ARHGAP20: variants seen among roughly 807,000 people sequenced by gnomAD.
ARHGAP20 encodes rho GTPase-activating protein 20.
A neutral mutation model predicts 73.7 loss-of-function variants in ARHGAP20; 34 were observed. The ratio of observed to expected loss-of-function variants is 0.46; its 90% CI spans 0.35 to 0.61. The LOEUF is 0.61. Ranked by LOEUF, ARHGAP20 falls within the 20% of genes least tolerant of loss-of-function variation. ARHGAP20 has a pLI of 0.00. For synonymous variants in ARHGAP20, 523 were observed against 518.2 expected, an observed-to-expected ratio of 1.01 and a Z score of -0.13; for missense variants, 1,314 against 1,420.9, an observed-to-expected ratio of 0.92 and a Z score of 1.21.
chr11:110,589,697 C>CTCTA, intron 11 of ARHGAP20: 1 of 985,338 alleles, frequency 1.0e-6, no homozygotes, highest in Non-Finnish European at 1.2e-6. Flanking sequence ...TTTTAGAACT[C>CTCTA]TCTATCTCTG....
At chr11:110,707,712 T>G (rs1950574120) in intron 1 of ARHGAP20, among the ~76,000 whole-genome samples, 1 of 152,146 alleles carries the variant, frequency 6.6e-6, no homozygotes, top group South Asian at 2.1e-4. Flanking sequence ...TAGCATGGTC[T>G]TTTTAAGCCA....
chr11:110,700,308 T>C (rs892647797), intron 1 of ARHGAP20, among the ~76,000 whole-genome samples: 1 of 152,034 alleles, frequency 6.6e-6, no homozygotes, highest in African/African-American at 2.4e-5. Context: ...AAGCATAGTA[T>C]TAAAATAAGG....
intron 10 of ARHGAP20, 68 bp downstream of exon 10, chr11:110,591,909 T>G: frequency 1.3e-6 from 2 of 1,516,684 alleles, no homozygotes; most frequent in Non-Finnish European, 9.0e-7. Flanking sequence ...GGGGACAGAT[T>G]TACCTCGCAG....
chr11:110,654,030 C>T (rs574185877), intron 2 of ARHGAP20, among the ~76,000 whole-genome samples: 1 of 152,126 alleles, frequency 6.6e-6, no homozygotes, highest in African/African-American at 2.4e-5. Context: ...GGGAAGGGAA[C>T]AACATACACT....
chr11:110,698,073 T>C (rs954994292), intron 1 of ARHGAP20, among the ~76,000 whole-genome samples: 21 of 151,788 alleles, frequency 1.4e-4, no homozygotes, highest in African/African-American at 5.1e-4. Flanking sequence ...TGTTTTTCCA[T>C]TTGTGTCATC....
intron 1 of ARHGAP20, among the ~76,000 whole-genome samples, chr11:110,708,320 G>A (rs1055730426): frequency 1.3e-5 from 2 of 152,004 alleles, no homozygotes; most frequent in African/African-American, 2.4e-5. Flanking sequence ...AAACCACTTC[G>A]GAAAAAACAA....
chr11:110,610,985 G>A (rs1392688003), intron 7 of ARHGAP20, among the ~76,000 whole-genome samples: 2 of 151,864 alleles, frequency 1.3e-5, no homozygotes, highest in African/African-American at 2.4e-5. Flanking sequence ...GGGAGAAGGA[G>A]GATGAAACTT....
intron 2 of ARHGAP20, among the ~76,000 whole-genome samples, chr11:110,660,751 T>C (rs972578937): frequency 6.6e-6 from 1 of 152,244 alleles, no homozygotes; most frequent in African/African-American, 2.4e-5. Flanking sequence ...GCTGTTGCTA[T>C]TCTTTTGAAT....
chr11:110,646,303 T>C (rs560928209), intron 2 of ARHGAP20, among the ~76,000 whole-genome samples: 6 of 152,236 alleles, frequency 3.9e-5, no homozygotes, highest in East Asian at 3.9e-4. Context: ...ATTCAATTAA[T>C]TGATTCATAA....
At chr11:110,691,267 C>A (rs1044209373) in intron 1 of ARHGAP20, among the ~76,000 whole-genome samples, 4 of 151,816 alleles carry the variant, frequency 2.6e-5, no homozygotes, top group Non-Finnish European at 5.9e-5. Context: ...GAAGTTTATT[C>A]GACTTGAATT....
At position 110,660,748 on chromosome 11, in the gene ARHGAP20, C is replaced by T. The variant is rs961223674; in HGVS notation, c.188+29799G>A. On this transcript the variant is annotated intron_variant, in intron 2 of 14. Coordinates refer to ENST00000683387, the MANE Select transcript of ARHGAP20 (RefSeq NM_001384657.1). The stretch of plus-strand genomic sequence containing the variant: ...CTTAGGAAACAAGCATGTGCTGTTG[C>T]TATTCTTTTGAATGTCCTGTGTATG... 2.0e-4 allele frequency among the ~76,000 whole-genome samples: 30 copies of T among 152,132 alleles called. 1 individual carries two copies. The highest frequency in any genetic ancestry group is 7.2e-4 in the African/African-American group (30 of 41,432).
At chr11:110,602,270 C>A (rs1948130412) in intron 9 of ARHGAP20, among the ~76,000 whole-genome samples, 3 of 151,868 alleles carry the variant, frequency 2.0e-5, no homozygotes, top group Admixed American at 2.0e-4. Flanking sequence ...GAAAAGTGGA[C>A]TTCTTCTAAT....
intron 6 of ARHGAP20, among the ~76,000 whole-genome samples, chr11:110,614,188 G>A (rs1288986373): frequency 1.3e-5 from 2 of 151,922 alleles, no homozygotes; most frequent in Non-Finnish European, 2.9e-5. Flanking sequence ...ATAATAATAG[G>A]AAATACTCCT....
rs1947300567 is a variant in ARHGAP20, at chr11:110,577,082, A to G, written c.*2288T>C. On this transcript the variant is annotated 3_prime_UTR_variant, in exon 15 of 15. Transcript: ENST00000683387. ...CAGAATGGCATTTTATTTAACAGACAGCATGGACTTCATACATATCCATTA... is the reference window on the plus strand; with the variant it reads ...CAGAATGGCATTTTATTTAACAGACGGCATGGACTTCATACATATCCATTA... 1.3e-6 allele frequency: 2 copies of G among 1,514,182 alleles called. No homozygotes were observed. Among genetic ancestry groups the G allele is most frequent in the East Asian group, 2.5e-5 (1 of 40,588 alleles). 93.8% of individuals were successfully genotyped at this position (1,514,182 alleles called of 1,614,324 possible).
At chr11:110,637,332 C>T (rs1948989000) in intron 2 of ARHGAP20, among the ~76,000 whole-genome samples, 1 of 152,012 alleles carries the variant, frequency 6.6e-6, no homozygotes, top group Non-Finnish European at 1.5e-5. Context: ...ACCTTAAAGC[C>T]TGGTAAAATA....
chr11:110,650,416 G>A (rs943940116), intron 2 of ARHGAP20, among the ~76,000 whole-genome samples: 9 of 152,150 alleles, frequency 5.9e-5, no homozygotes, highest in African/African-American at 2.2e-4. Flanking sequence ...TTTAATTAGA[G>A]TAGAGTGGGG....
At position 110,580,360 on chromosome 11, in the gene ARHGAP20, T is replaced by G. The variant is rs779932772; in HGVS notation, c.2586A>C (p.Gly862=). Residue 862 remains glycine, a synonymous_variant, in exon 15 of 15, where the codon GGA becomes GGC. Transcript: ENST00000683387. The part of the protein sequence containing the change: ...DQNRKLTYLR[G]IYSKKQHKTS... ...TTTTATGTTGTTTCTTTGAATAAAT[T>G]CCCCTGAGATAGGTCAGCTTGCGGT... The G allele has an allele frequency of 8.1e-6, 13 of 1,614,202 alleles. 1 individual carries two copies. Among genetic ancestry groups the G allele is most frequent in the Non-Finnish European group, 1.0e-5 (12 of 1,180,040 alleles).
At chr11:110,711,520 G>C in intron 1 of ARHGAP20, 1 of 1,174,590 alleles carries the variant, frequency 8.5e-7, no homozygotes, top group Non-Finnish European at 1.1e-6. Context: ...CCACCTGGGA[G>C]ACCCGGAATC....
chr11:110,588,658 G>A (rs1421398498), intron 11 of ARHGAP20, among the ~76,000 whole-genome samples: 2 of 152,084 alleles, frequency 1.3e-5, no homozygotes, highest in African/African-American at 2.4e-5. Context: ...AAATATTTCT[G>A]CAATTTGAAA....
Sources: allele counts gnomAD v4.1 joint callset (sites outside exome capture counted in the v4.1 genomes callset), GRCh38; gene constraint gnomAD v4.1.1; transcripts MANE v1.5; gene names NCBI Gene and HGNC (gene_info 2026-07-23, HGNC 2026-07-21).